TMEM130: variants seen among roughly 807,000 people sequenced by gnomAD.
The protein encoded by TMEM130 is transmembrane protein 130.
A neutral mutation model predicts 42.9 loss-of-function variants in TMEM130; 37 were observed. That is an observed-to-expected ratio of 0.86 (90% CI 0.66 to 1.13). The LOEUF (loss-of-function observed/expected upper bound fraction) is 1.13. Ranked by LOEUF, TMEM130 falls within the 50% of genes most tolerant of loss-of-function variation. The probability of loss-of-function intolerance (pLI) is 0.00; values close to 1 mark genes in which losing one functional copy is unlikely to be tolerated. For missense variants in TMEM130, 545 were observed against 562.6 expected (o/e 0.97, Z 0.32); for synonymous variants, 259 against 237.7 (o/e 1.09, Z -0.82).
chr7:98,850,273 A>ATATATATATTTTTTT, intron 6 of TMEM130, among the ~76,000 whole-genome samples: 14 of 35,406 alleles, frequency 4.0e-4, no homozygotes, highest in Admixed American at 1.3e-3. Context: ...ATATATATAT[A>ATATATATATTTTTTT]TTTTTTTTTT....
intron 3 of TMEM130, among the ~76,000 whole-genome samples, chr7:98,859,905 A>C (rs978617373): frequency 2.6e-5 from 4 of 151,452 alleles, no homozygotes; most frequent in Non-Finnish European, 4.4e-5. Context: ...AATAAAAATA[A>C]AAAAAATACA....
intron 2 of TMEM130, among the ~76,000 whole-genome samples, chr7:98,860,942 CAAAAAAAA>C (rs3066865): frequency 1.4e-5 from 1 of 69,510 alleles, no homozygotes. Context: ...GACTCTGTCT[CAAAAAAAA>C]AAAAAAAAAA....
intron 5 of TMEM130, among the ~76,000 whole-genome samples, chr7:98,854,162 C>G (rs373950751): frequency 9.2e-5 from 14 of 151,736 alleles, no homozygotes; most frequent in Non-Finnish European, 1.5e-4. Flanking sequence ...CTCAGCCTCC[C>G]GAGTAGCTCG....
At chr7:98,865,131 C>T (rs139968091) in intron 1 of TMEM130, among the ~76,000 whole-genome samples, 1 of 152,352 alleles carries the variant, frequency 6.6e-6, no homozygotes, top group East Asian at 1.9e-4. Context: ...TGCCAAGGGG[C>T]ACCCGGAGAG....
rs1469372962 is a variant in TMEM130 at position 98,869,710 on chromosome 7, C to A, written c.85+67G>T. 19 of 1,224,240 alleles carry A rather than the reference C, an allele frequency of 1.6e-5. No homozygotes were observed. The East Asian group carries it at 3.2e-4, about 20-fold the overall frequency. 75.8% of individuals were successfully genotyped at this position (1,224,240 alleles called of 1,614,324 possible). A position where few individuals can be genotyped will look rare whatever the true frequency, so the allele number is the denominator to read the frequency against. ...ATCCCTGCTCCCGGGCCCACTCGCC[C>A]GCTGAGACGGTTCCAGGCCCCGGGC... On this transcript the variant is annotated intron_variant, in intron 1 of 7. Coordinates refer to ENST00000339375, the MANE Select transcript of TMEM130 (RefSeq NM_152913.3). This position sits in a 1 kb window ranked among gnomAD's most constrained non-coding sequence, Gnocchi z 4.7.
chr7:98,849,464 TG>T (rs1794438166), intron 6 of TMEM130, among the ~76,000 whole-genome samples: 1 of 152,178 alleles, frequency 6.6e-6, no homozygotes, highest in African/African-American at 2.4e-5. Flanking sequence ...CTGTCTTCTC[TG>T]CAGAATTCAG....
chr7:98,850,315 T>C (rs2116064647), intron 6 of TMEM130, among the ~76,000 whole-genome samples: 1 of 144,836 alleles, frequency 6.9e-6, no homozygotes, highest in South Asian at 2.3e-4. Flanking sequence ...AGCCTCTCTG[T>C]GGCCCAGGCT....
At chr7:98,852,217 T>C (rs1433944341) in intron 5 of TMEM130, among the ~76,000 whole-genome samples, 4 of 152,094 alleles carry the variant, frequency 2.6e-5, no homozygotes, top group African/African-American at 9.7e-5. Context: ...CTTGACTCAC[T>C]GCAACCTTCA....
At position 98,848,087 on chromosome 7, in the gene TMEM130, A is replaced by C. The variant is rs138134759; in HGVS notation, c.1241T>G (p.Leu414Arg). The change falls in exon 8 of 8, where the codon CTC becomes CGC. Residue 414 changes from leucine to arginine, a missense_variant. Coordinates refer to ENST00000339375, the MANE Select transcript of TMEM130 (RefSeq NM_152913.3). ...VRENHGLLPP[L>R]YKSVKTYTV ...GGTGTAAGTTTTGACAGACTTATAGAGGGGCGGGAGCAGCCCGTGGTTCTC... is the reference window on the plus strand; with the variant it reads ...GGTGTAAGTTTTGACAGACTTATAGCGGGGCGGGAGCAGCCCGTGGTTCTC... 1.2e-5 allele frequency: 20 copies of C among 1,613,816 alleles called. No individual in the cohort carries two copies. In the African/African-American group the frequency reaches 2.3e-4, roughly 18 times the overall value.
chr7:98,848,065 G>A lies in TMEM130; in HGVS notation c.1263C>T (p.Tyr421=). The A allele has an allele frequency of 1.2e-6, 2 of 1,613,808 alleles. No individual in the cohort carries two copies. Among genetic ancestry groups the A allele is most frequent in the Non-Finnish European group, 1.7e-6 (2 of 1,179,846 alleles). The stretch of plus-strand genomic sequence containing the variant: ...TGGGGAGGGGGAGTGCTCACACGGT[G>A]TAAGTTTTGACAGACTTATAGAGGG... ...LPPLYKSVKT[Y]TV is the part of the protein sequence containing the mutation. The change falls in exon 8 of 8, where the codon TAC becomes TAT. Residue 421 remains tyrosine, a synonymous_variant. Coordinates refer to ENST00000339375, the MANE Select transcript of TMEM130 (RefSeq NM_152913.3).
Position 98,848,648 on chromosome 7 carries a change from C to G in TMEM130, c.1054G>C (p.Val352Leu). The G allele has an allele frequency of 6.2e-7, 1 of 1,614,138 alleles. No individual in the cohort carries two copies. Among genetic ancestry groups the G allele is most frequent in the Non-Finnish European group, 8.5e-7 (1 of 1,180,008 alleles). ...ATGTACATGATGAAGGCCAACATCACAGTGATAAGTGTAGCACATGGGAAA... is the reference window on the plus strand; with the variant it reads ...ATGTACATGATGAAGGCCAACATCAGAGTGATAAGTGTAGCACATGGGAAA... ...FAFPCATLIT[V>L]MLAFIMYMTL... The change falls in exon 7 of 8, where the codon GTG becomes CTG. Residue 352 changes from valine to leucine, a missense_variant. Transcript: ENST00000339375.
At chr7:98,865,332 G>T (rs1386795381) in intron 1 of TMEM130, among the ~76,000 whole-genome samples, 2 of 152,224 alleles carry the variant, frequency 1.3e-5, no homozygotes, top group African/African-American at 4.8e-5. Flanking sequence ...GGCTGGCCAG[G>T]CGTGGTGGCT....
At chr7:98,858,979 G>A (rs1794694329) in intron 3 of TMEM130, among the ~76,000 whole-genome samples, 2 of 147,778 alleles carry the variant, frequency 1.4e-5, no homozygotes, top group South Asian at 4.4e-4. Context: ...AGGAAGACAG[G>A]GAGGGAGAGA....
chr7:98,855,194 T>G (rs1554398754), intron 5 of TMEM130, 46 bp downstream of exon 5: 3 of 1,553,618 alleles, frequency 1.9e-6, no homozygotes, highest in Non-Finnish European at 2.7e-6. Flanking sequence ...AAGGGGGATG[T>G]GCAGAGCCCA....
In TMEM130 at chr7:98,870,005, G is replaced by A; in HGVS notation, c.-144C>T. On this transcript the variant is annotated 5_prime_UTR_variant, in exon 1 of 8. Transcript: ENST00000339375. The stretch of plus-strand genomic sequence containing the variant: ...CGCCGTGCTCGCTCGTCCTCGCCGG[G>A]GGACGCTCTGTCGCTGCGCGCCGCC... 4.7e-6 allele frequency: 2 copies of A among 424,012 alleles called. No homozygotes were observed. Among genetic ancestry groups the A allele is most frequent in the Non-Finnish European group, 7.6e-6 (2 of 264,176 alleles). 26.3% of individuals were successfully genotyped at this position (424,012 alleles called of 1,614,324 possible). A position where few individuals can be genotyped will look rare whatever the true frequency, so the allele number is the denominator to read the frequency against.
chr7:98,848,062 G>A lies in TMEM130; in HGVS notation c.1266C>T (p.Thr422=), dbSNP rs112099084. The stretch of plus-strand genomic sequence containing the variant: ...GGGTGGGGAGGGGGAGTGCTCACAC[G>A]GTGTAAGTTTTGACAGACTTATAGA... The part of the protein sequence containing the change: ...PPLYKSVKTY[T]V The change falls in exon 8 of 8, where the codon ACC becomes ACT. Residue 422 remains threonine (T), a synonymous_variant. Transcript: ENST00000339375. 7.4e-5 allele frequency: 119 copies of A among 1,613,502 alleles called. No homozygotes were observed. Among genetic ancestry groups the A allele is most frequent in the South Asian group, 5.1e-4 (46 of 91,024 alleles).
chr7:98,859,696 GA>G (rs1794712375), intron 3 of TMEM130, among the ~76,000 whole-genome samples: 1 of 151,770 alleles, frequency 6.6e-6, no homozygotes. Flanking sequence ...CCAACATGGT[GA>G]AACCCAGTCT....
At chr7:98,856,726 C>T (rs7807059) in intron 3 of TMEM130, among the ~76,000 whole-genome samples, 7,599 of 151,926 alleles carry the variant, frequency 0.05, 550 homozygotes, top group African/African-American at 0.16. Flanking sequence ...TGAACTCCTG[C>T]GCTCAAGTGA....
Position 98,848,578 on chromosome 7 carries a change from C to T in TMEM130, c.1119+5G>A, listed in dbSNP as rs376971805. 1.7e-5 allele frequency: 27 copies of T among 1,596,174 alleles called. No individual in the cohort carries two copies. The African/African-American group carries it at 3.0e-4, about 17-fold the overall frequency. ...AGTCCAGCCCCCACCCCACTGAGTA[C>T]CCACCTCCACCATGTCCTTTTGCTG... On this transcript the variant is annotated splice_donor_5th_base_variant and intron_variant, in intron 7 of 7. Coordinates refer to ENST00000339375, the MANE Select transcript of TMEM130 (RefSeq NM_152913.3).
Sources: gnomAD v4.1 joint callset for allele counts (sites outside exome capture counted in the v4.1 genomes callset) on GRCh38, gnomAD v4.1.1 for gene constraint, Gnocchi (gnomAD v3.1) non-coding constraint, MANE v1.5 for transcripts, NCBI Gene and HGNC (gene_info 2026-07-23, HGNC 2026-07-21) for gene names.